Variants in UBE2E1 observed in about 807,000 individuals in gnomAD.
UBE2E1 encodes the protein ubiquitin conjugating enzyme E2 E1.
UBE2E1 carries 6 observed loss-of-function variants against 21.4 expected under a neutral mutation model. The observed-to-expected ratio is 0.28, with a 90% confidence interval of 0.15 to 0.55. The LOEUF (loss-of-function observed/expected upper bound fraction) is 0.55. Among genes scored for constraint, UBE2E1 ranks in the 20% least tolerant of loss-of-function variants. The pLI is 0.93. For synonymous variants in UBE2E1, 87 were observed against 82.7 expected (o/e 1.05, Z -0.28); for missense variants, 142 against 236.5 (o/e 0.60, Z 2.62).
In UBE2E1 at chr3:23,863,667, A is replaced by G. The variant is rs1013112288; in HGVS notation, c.204-23900A>G. ...TGCCTCAGCCTCCCAAGTAGCTGAG[A>G]TTACAGGCATGCGCCACCACGCCTG... On this transcript the variant is annotated intron_variant, in intron 3 of 5. Coordinates refer to ENST00000306627, the MANE Select transcript of UBE2E1 (RefSeq NM_003341.5). This position sits in a 1 kb window ranked among gnomAD's most constrained non-coding sequence, Gnocchi z 4.3. 5.3e-5 allele frequency among the ~76,000 whole-genome samples: 8 copies of G among 152,080 alleles called. No individual in the cohort carries two copies. The highest frequency in any genetic ancestry group is 1.2e-4 in the Non-Finnish European group (8 of 68,024).
rs1229619280 is a variant in UBE2E1, at chr3:23,816,853, A to AT, written c.203+5344dup. 2.0e-5 allele frequency among the ~76,000 whole-genome samples: 3 copies of AT among 152,176 alleles called. No individual in the cohort carries two copies. Among genetic ancestry groups the AT allele is most frequent in the African/African-American group, 7.2e-5 (3 of 41,444 alleles). ...TTTCAGGGACTGAGGGGAGGGGAGA[A>AT]TGGGGAGTTATTTCTTAATGAATAC... On this transcript the variant is annotated intron_variant, in intron 3 of 5. Coordinates refer to ENST00000306627, the MANE Select transcript of UBE2E1 (RefSeq NM_003341.5). This position sits in a 1 kb window ranked among gnomAD's most constrained non-coding sequence, Gnocchi z 4.8.
chr3:23,886,252 C>T (rs192455591), intron 3 of UBE2E1, among the ~76,000 whole-genome samples: 58 of 152,262 alleles, frequency 3.8e-4, no homozygotes, highest in Non-Finnish European at 2.9e-5. Flanking sequence ...TAATACCCAT[C>T]ACAAAGAGAT....
At chr3:23,807,571 T>G in intron 2 of UBE2E1, 150 bp downstream of exon 2, 2 of 931,848 alleles carry the variant, frequency 2.1e-6, no homozygotes, top group South Asian at 5.4e-5. Context: ...GCCCTAATTA[T>G]TTTCTCTATT....
intron 3 of UBE2E1, among the ~76,000 whole-genome samples, chr3:23,812,059 T>C (rs1383882024): frequency 2.6e-5 from 4 of 152,212 alleles, no homozygotes; most frequent in East Asian, 3.8e-4. Flanking sequence ...GGGTGTTTTT[T>C]TCACTTGCTT....
chr3:23,835,070 A>G (rs1022509594), intron 3 of UBE2E1, among the ~76,000 whole-genome samples: 8 of 152,242 alleles, frequency 5.3e-5, no homozygotes, highest in African/African-American at 1.9e-4. Context: ...GGTTTTACAT[A>G]TTGAGTTAAC....
intron 3 of UBE2E1, among the ~76,000 whole-genome samples, chr3:23,872,356 G>A (rs1700819104): frequency 6.6e-6 from 1 of 151,886 alleles, no homozygotes; most frequent in Non-Finnish European, 1.5e-5. Flanking sequence ...ATCAGAGGGA[G>A]ACCGTGGAAA....
intron 3 of UBE2E1, among the ~76,000 whole-genome samples, chr3:23,875,378 C>G (rs928058186): frequency 6.6e-6 from 1 of 152,172 alleles, no homozygotes; most frequent in Non-Finnish European, 1.5e-5. Flanking sequence ...CCCCTAGAGA[C>G]TTAAATTCGG....
In UBE2E1 at chr3:23,836,582, G is replaced by A. The variant is rs1325327228; in HGVS notation, c.203+25072G>A. On this transcript the variant is annotated intron_variant, in intron 3 of 5. Coordinates refer to ENST00000306627, the MANE Select transcript of UBE2E1 (RefSeq NM_003341.5). The surrounding 1 kb of genome is among the most constrained non-coding windows in gnomAD (Gnocchi z 4.1). ...CAAAAGAGTGACATTGGCTTTTCTT[G>A]GAAGTTTTAGAGCTGAAAGGGAACT... Among the ~76,000 whole-genome samples, 2 of 152,146 alleles carry A rather than the reference G, an allele frequency of 1.3e-5. No individual in the cohort carries two copies. Among genetic ancestry groups the A allele is most frequent in the African/African-American group, 4.8e-5 (2 of 41,426 alleles).
chr3:23,869,924 C>T (rs1201079235), intron 3 of UBE2E1, among the ~76,000 whole-genome samples: 2 of 151,960 alleles, frequency 1.3e-5, no homozygotes, highest in African/African-American at 4.8e-5. Flanking sequence ...ATATTCTAAA[C>T]AAAAACCACT....
chr3:23,878,422 A>C (rs1458957574), intron 3 of UBE2E1, among the ~76,000 whole-genome samples: 1 of 152,222 alleles, frequency 6.6e-6, no homozygotes, highest in Admixed American at 6.5e-5. Flanking sequence ...AGTTGTCTCA[A>C]GTCCTTCCTT....
intron 3 of UBE2E1, among the ~76,000 whole-genome samples, chr3:23,838,606 C>G (rs528057763): frequency 1.3e-5 from 2 of 152,114 alleles, no homozygotes; most frequent in Admixed American, 1.3e-4. Flanking sequence ...GGAGATTTCT[C>G]CTGCCTCAGC....
intron 3 of UBE2E1, among the ~76,000 whole-genome samples, chr3:23,884,415 A>T (rs1306094315): frequency 6.6e-6 from 1 of 152,162 alleles, no homozygotes; most frequent in Non-Finnish European, 1.5e-5. Flanking sequence ...TGGGGCACTT[A>T]AATATATGGA....
Position 23,868,654 on chromosome 3 carries a change from T to C in UBE2E1, c.204-18913T>C, listed in dbSNP as rs572725755. On this transcript the variant is annotated intron_variant, in intron 3 of 5. Coordinates refer to ENST00000306627, the MANE Select transcript of UBE2E1 (RefSeq NM_003341.5). ...TTACTTTCTACATTAATAGGTAGAT[T>C]AGATTCCATCTCTTCTACCTTTATT... 1.3e-3 allele frequency among the ~76,000 whole-genome samples: 199 copies of C among 152,292 alleles called. No individual in the cohort carries two copies. In the Middle Eastern group the frequency reaches 0.02, roughly 16 times the overall value.
At chr3:23,832,785 C>T (rs1418893853) in intron 3 of UBE2E1, among the ~76,000 whole-genome samples, 4 of 152,164 alleles carry the variant, frequency 2.6e-5, no homozygotes, top group African/African-American at 9.7e-5. Context: ...AATCTCAGCA[C>T]TTTGGTTAGC....
intron 3 of UBE2E1, among the ~76,000 whole-genome samples, chr3:23,845,484 T>C (rs1377570506): frequency 8.8e-6 from 1 of 113,832 alleles, no homozygotes; most frequent in Non-Finnish European, 2.0e-5. Flanking sequence ...TCTGAATATA[T>C]TGTCTGTATC....
intron 3 of UBE2E1, among the ~76,000 whole-genome samples, chr3:23,884,621 A>G (rs1701135013): frequency 6.6e-6 from 1 of 152,142 alleles, no homozygotes; most frequent in Non-Finnish European, 1.5e-5. Flanking sequence ...AAGGACCAGC[A>G]GAATTGGGCC....
chr3:23,885,450 G>A (rs1393212517), intron 3 of UBE2E1, among the ~76,000 whole-genome samples: 3 of 152,150 alleles, frequency 2.0e-5, no homozygotes, highest in African/African-American at 7.2e-5. Context: ...GAGGGAGAGG[G>A]CTGATTAAGA....
At position 23,810,017 on chromosome 3, in the gene UBE2E1, A is replaced by G. The variant is rs536632596; in HGVS notation, c.153-1443A>G. ...AATGTCCTCCAGTAGGAAGGTTTAT[A>G]GAACCTCCCCCAGTCGTCGTCCTTA... On this transcript the variant is annotated intron_variant, in intron 2 of 5. Transcript: ENST00000306627. This position sits in a 1 kb window ranked among gnomAD's most constrained non-coding sequence, Gnocchi z 5.8. 3.3e-5 allele frequency among the ~76,000 whole-genome samples: 5 copies of G among 152,236 alleles called. No homozygotes were observed. The highest frequency in any genetic ancestry group is 7.3e-5 in the Non-Finnish European group (5 of 68,034).
At chr3:23,829,316 A>T (rs1442510589) in intron 3 of UBE2E1, among the ~76,000 whole-genome samples, 1 of 118,080 alleles carries the variant, frequency 8.5e-6, no homozygotes, top group Non-Finnish European at 1.8e-5. Flanking sequence ...GCACTCCACA[A>T]AGTCCAGCTT....
Sources: allele counts gnomAD v4.1 joint callset (sites outside exome capture counted in the v4.1 genomes callset), GRCh38; gene constraint gnomAD v4.1.1; non-coding constraint Gnocchi (gnomAD v3.1); transcripts MANE v1.5; gene names NCBI Gene and HGNC (gene_info 2026-07-23, HGNC 2026-07-21).